Variants in TDRD9 observed in about 807,000 individuals in gnomAD.
TDRD9 encodes tudor domain containing 9.
In TDRD9, 124 loss-of-function variants were observed where a neutral mutation model predicts 172.6. The observed-to-expected ratio is 0.72, with a 90% CI of 0.62 to 0.83. The LOEUF (loss-of-function observed/expected upper bound fraction) is 0.83. Among genes scored for constraint, TDRD9 ranks in the 40% least tolerant of loss-of-function variants. TDRD9 has a pLI of 0.00. For synonymous variants in TDRD9, 619 were observed against 617.1 expected (o/e 1.00, Z -0.05); for missense variants, 1,479 against 1,714.1 (o/e 0.86, Z 2.42).
intron 34 of TDRD9, among the ~76,000 whole-genome samples, chr14:104,043,935 A>C (rs554065950): frequency 1.3e-5 from 2 of 152,286 alleles, no homozygotes; most frequent in South Asian, 4.1e-4. Flanking sequence ...CCATAAGATT[A>C]AGGGTCCTCA....
At chr14:104,023,184 CAAAAAAAAAAAAAAAAA>C (rs10661391) in intron 24 of TDRD9, among the ~76,000 whole-genome samples, 23 of 64,440 alleles carry the variant, frequency 3.6e-4, no homozygotes, top group South Asian at 1.0e-3. Context: ...GACTCCGTCT[CAAAAAAAAAAAAAAAAA>C]AAAAAAAAAA....
chr14:104,025,953 T>C, intron 26 of TDRD9, 94 bp from the exon 27 acceptor site: 1 of 1,007,940 alleles, frequency 9.9e-7, no homozygotes, highest in Non-Finnish European at 1.5e-6. Context: ...AATTCTATAA[T>C]TATAGGATTA....
At chr14:103,989,935 C>A (rs1359553796) in intron 8 of TDRD9, among the ~76,000 whole-genome samples, 1 of 152,256 alleles carries the variant, frequency 6.6e-6, no homozygotes, top group African/African-American at 2.4e-5. Context: ...CTTGGTACCT[C>A]TCCATCAGAT....
intron 7 of TDRD9, among the ~76,000 whole-genome samples, chr14:103,975,880 GT>G (rs2033215607): frequency 1.3e-5 from 2 of 152,102 alleles, no homozygotes; most frequent in Admixed American, 1.3e-4. Context: ...GTCAACTGTA[GT>G]CACCCCACGG....
At chr14:104,017,186 T>C (rs2152233879) in intron 22 of TDRD9, among the ~76,000 whole-genome samples, 1 of 152,132 alleles carries the variant, frequency 6.6e-6, no homozygotes, top group Non-Finnish European at 1.5e-5. Context: ...AAGGGTTCTA[T>C]AGGTCTCTTC....
At chr14:104,007,330 C>A in intron 19 of TDRD9, 126 bp downstream of exon 19, 2 of 828,484 alleles carry the variant, frequency 2.4e-6, no homozygotes, top group Admixed American at 2.7e-5. Context: ...AGGTCACTGT[C>A]AGTGCTCGCA....
chr14:104,001,534 G>T (rs1313742858), intron 13 of TDRD9, among the ~76,000 whole-genome samples: 1 of 152,140 alleles, frequency 6.6e-6, no homozygotes, highest in Non-Finnish European at 1.5e-5. Flanking sequence ...GTTTTTGTGT[G>T]GCCATAAGTT....
intron 1 of TDRD9, among the ~76,000 whole-genome samples, chr14:103,938,896 G>A (rs990344590): frequency 4.6e-5 from 7 of 152,062 alleles, no homozygotes; most frequent in African/African-American, 1.4e-4. Context: ...TTTAAATGAC[G>A]TATACCAATA....
At chr14:103,995,699 G>C in intron 11 of TDRD9, 51 bp from the exon 12 acceptor site, 1 of 1,489,320 alleles carries the variant, frequency 6.7e-7, no homozygotes, top group African/African-American at 1.4e-5. Flanking sequence ...TTTGCCTAAT[G>C]ATGTTCGGAA....
intron 14 of TDRD9, 63 bp from the exon 15 acceptor site, chr14:104,005,211 T>A (rs2034396548): frequency 6.4e-7 from 1 of 1,572,388 alleles, no homozygotes; most frequent in Admixed American, 1.7e-5. Context: ...GCACTGGTTA[T>A]GTGAATCGGC....
At chr14:104,038,611 G>T (rs938925272) in intron 32 of TDRD9, among the ~76,000 whole-genome samples, 12 of 152,340 alleles carry the variant, frequency 7.9e-5, no homozygotes, top group Non-Finnish European at 1.5e-4. Flanking sequence ...GCTAGTTTGG[G>T]TGTCCTCAGC....
chr14:104,006,034 A>G (rs1009228456), intron 15 of TDRD9, among the ~76,000 whole-genome samples: 4 of 152,152 alleles, frequency 2.6e-5, no homozygotes, highest in Admixed American at 2.6e-4. Context: ...AAGTTAAGGA[A>G]GTTTTTCCCC....
At chr14:104,041,216 A>T (rs938246444) in intron 33 of TDRD9, among the ~76,000 whole-genome samples, 36 of 152,320 alleles carry the variant, frequency 2.4e-4, no homozygotes, top group Non-Finnish European at 4.0e-4. Flanking sequence ...GAAGGGGCTT[A>T]TGGGCTTGAA....
intron 19 of TDRD9, among the ~76,000 whole-genome samples, chr14:104,007,619 C>T (rs1435314108): frequency 6.7e-6 from 1 of 149,120 alleles, no homozygotes; most frequent in Non-Finnish European, 1.5e-5. Context: ...GAAATGTAAT[C>T]TGTTACCCTC....
chr14:103,995,337 C>T (rs556953991), intron 11 of TDRD9, among the ~76,000 whole-genome samples: 20 of 152,124 alleles, frequency 1.3e-4, no homozygotes, highest in Non-Finnish European at 2.4e-4. Context: ...GAGTTGACAA[C>T]GTCGCCCCCC....
At chr14:103,983,394 C>G (rs1022907312) in intron 7 of TDRD9, among the ~76,000 whole-genome samples, 2 of 152,014 alleles carry the variant, frequency 1.3e-5, no homozygotes, top group African/African-American at 2.4e-5. Context: ...TATTTGGAAA[C>G]TAGCTGACTT....
intron 1 of TDRD9, among the ~76,000 whole-genome samples, chr14:103,952,729 C>CTCTT (rs759236404): frequency 4.1e-5 from 3 of 72,316 alleles, no homozygotes; most frequent in African/African-American, 1.8e-4. Flanking sequence ...AATTCTCTCT[C>CTCTT]TTTTTTTTTT....
chr14:104,031,468 GTTTTTTTTTTT>G (rs55696833), intron 29 of TDRD9, among the ~76,000 whole-genome samples: 20 of 105,104 alleles, frequency 1.9e-4, no homozygotes, highest in Non-Finnish European at 1.9e-4. Flanking sequence ...GCTTTGACTA[GTTTTTTTTTTT>G]TTTTTTTTTT....
chr14:104,015,162 G>A (rs1349950990), intron 21 of TDRD9, among the ~76,000 whole-genome samples: 1 of 152,118 alleles, frequency 6.6e-6, no homozygotes, highest in Non-Finnish European at 1.5e-5. Context: ...AGATCCTTTT[G>A]TTTTAGCTTT....
Sources: gnomAD v4.1 joint callset for allele counts (sites outside exome capture counted in the v4.1 genomes callset) on GRCh38, gnomAD v4.1.1 for gene constraint, MANE v1.5 for transcripts, NCBI Gene and HGNC (gene_info 2026-07-23, HGNC 2026-07-21) for gene names.